Variants in LRSAM1 observed in about 807,000 individuals in gnomAD.
LRSAM1 encodes the protein E3 ubiquitin-protein ligase LRSAM1.
Under a neutral mutation model 118.1 loss-of-function variants are expected in LRSAM1, and 96 were observed. The ratio of observed to expected loss-of-function variants is 0.81; its 90% confidence interval spans 0.69 to 0.96. The LOEUF is 0.96. LRSAM1 is among the 40% of genes least tolerant of loss of function. LRSAM1 has a pLI of 0.00. For synonymous variants in LRSAM1, 322 were observed against 364.2 expected, an observed-to-expected ratio of 0.88 and a Z score of 1.32; for missense variants, 804 against 915.5, an observed-to-expected ratio of 0.88 and a Z score of 1.57.
At chr9:127,458,734 T>TACA (rs1486432660) in intron 6 of LRSAM1, among the ~76,000 whole-genome samples, 1 of 152,254 alleles carries the variant, frequency 6.6e-6, no homozygotes, top group Non-Finnish European at 1.5e-5. Context: ...GAGTGTTTCT[T>TACA]TTTAACATAT....
At position 127,465,336 on chromosome 9, in the gene LRSAM1, A is replaced by C. The variant is rs1834888064; in HGVS notation, c.529-2404A>C. ...GCCACTTGTAGCTGCTGGGCCCTTG[A>C]AATGTGGTGACTGCAACCAACCATG... On this transcript the variant is annotated intron_variant, in intron 9 of 25. Coordinates refer to ENST00000300417, the MANE Select transcript of LRSAM1 (RefSeq NM_001005373.4). This position sits in a 1 kb window ranked among gnomAD's most constrained non-coding sequence, Gnocchi z 4.1. 6.6e-6 allele frequency among the ~76,000 whole-genome samples: 1 copy of C among 152,200 alleles called. No individual in the cohort carries two copies. The highest frequency in any genetic ancestry group is 1.5e-5 in the Non-Finnish European group (1 of 68,030).
Position 127,479,103 on chromosome 9 carries a change from C to T in LRSAM1, c.780+140C>T, listed in dbSNP as rs1835437391. On this transcript the variant is annotated intron_variant, in intron 12 of 25. Transcript: ENST00000300417. ...ATGCCTTCCTCTTACACGCAGTCTG[C>T]TGCATCCTCACATGCCTCAGGTGGG... The T allele has an allele frequency of 4.1e-6, 4 of 964,090 alleles. No homozygotes were observed. The Admixed American group carries it at 6.1e-5, about 15-fold the overall frequency. 59.7% of individuals were successfully genotyped at this position (964,090 alleles called of 1,614,324 possible).
At chr9:127,457,287 C>A (rs376362600) in intron 5 of LRSAM1, 29 bp from the exon 6 acceptor site, 1 of 1,612,658 alleles carries the variant, frequency 6.2e-7, no homozygotes, top group Non-Finnish European at 8.5e-7. Context: ...CTTCCTCAGC[C>A]CAGCATGGCC....
intron 15 of LRSAM1, 143 bp downstream of exon 15, chr9:127,481,370 A>T: frequency 1.2e-6 from 1 of 803,778 alleles, no homozygotes; most frequent in Non-Finnish European, 2.0e-6. Context: ...CCCCTGCCTC[A>T]GCCTCCCGAG....
At position 127,457,169 on chromosome 9, in the gene LRSAM1, C is replaced by G. The variant is rs969428407; in HGVS notation, c.175-147C>G. ...CATTAGATTCCCCATTGGGAGAGTT[C>G]ATGATACTGACCCGCATCCCCGTGG... On this transcript the variant is annotated intron_variant, in intron 5 of 25. Coordinates refer to ENST00000300417, the MANE Select transcript of LRSAM1 (RefSeq NM_001005373.4). The G allele has an allele frequency of 2.0e-5, 16 of 799,188 alleles. No individual in the cohort carries two copies. The African/African-American group carries it at 2.5e-4, about 13-fold the overall frequency. 49.5% of individuals were successfully genotyped at this position (799,188 alleles called of 1,614,324 possible).
Position 127,503,184 on chromosome 9 carries a change from G to A in LRSAM1, c.*285G>A, listed in dbSNP as rs1403367885. 11 of 468,948 alleles carry A rather than the reference G, an allele frequency of 2.3e-5. No individual in the cohort carries two copies. The highest frequency in any genetic ancestry group is 3.4e-5 in the Admixed American group (1 of 29,242). The allele number at this position is 468,948 out of a possible 1,614,324, so 29.0% of individuals were successfully genotyped here. On this transcript the variant is annotated 3_prime_UTR_variant, in exon 26 of 26. Coordinates refer to ENST00000300417, the MANE Select transcript of LRSAM1 (RefSeq NM_001005373.4). The stretch of plus-strand genomic sequence containing the variant: ...GGAGCCAGCGTCCCAGCCTAATCAC[G>A]GATCTGCTGCCTCCCAGCTGTCTTG...
intron 23 of LRSAM1, 72 bp from the exon 24 acceptor site, chr9:127,497,181 G>A (rs1329644407): frequency 7.4e-6 from 11 of 1,493,384 alleles, no homozygotes; most frequent in Non-Finnish European, 1.0e-5. Flanking sequence ...GCCTGGGCCT[G>A]TGCCACGTGG....
At chr9:127,482,282 A>G (rs896325479) in intron 15 of LRSAM1, among the ~76,000 whole-genome samples, 1 of 151,468 alleles carries the variant, frequency 6.6e-6, no homozygotes, top group Non-Finnish European at 1.5e-5. Context: ...AGCTGGGATT[A>G]TAGGCGCATA....
chr9:127,490,006 C>T (rs1410039785), intron 19 of LRSAM1, among the ~76,000 whole-genome samples: 3 of 152,306 alleles, frequency 2.0e-5, no homozygotes, highest in South Asian at 2.1e-4. Flanking sequence ...TGACCTCGGC[C>T]CAGGAGGAGG....
At chr9:127,502,483 G>A (rs916856420) in intron 25 of LRSAM1, among the ~76,000 whole-genome samples, 17 of 152,024 alleles carry the variant, frequency 1.1e-4, no homozygotes, top group African/African-American at 1.9e-4. Flanking sequence ...TCAGGAGTTC[G>A]AGACTAGCCT....
chr9:127,490,697 G>A (rs1386393269), intron 19 of LRSAM1, among the ~76,000 whole-genome samples: 1 of 152,204 alleles, frequency 6.6e-6, no homozygotes, highest in African/African-American at 2.4e-5. Context: ...GAGAATTGAT[G>A]AAATATGATA....
At chr9:127,459,561 CT>C (rs1834658077) in intron 7 of LRSAM1, among the ~76,000 whole-genome samples, 1 of 150,218 alleles carries the variant, frequency 6.7e-6, no homozygotes, top group Non-Finnish European at 1.5e-5. Flanking sequence ...TGGTGTAGGA[CT>C]TTTTGTATGT....
intron 11 of LRSAM1, 68 bp from the exon 12 acceptor site, chr9:127,478,866 C>T (rs1473948447): frequency 1.2e-5 from 18 of 1,546,502 alleles, no homozygotes; most frequent in African/African-American, 2.7e-5. Context: ...CCGGGGGTTC[C>T]TGGTGCCCAT....
intron 20 of LRSAM1, 149 bp from the exon 21 acceptor site, chr9:127,492,653 G>A (rs1237502542): frequency 5.5e-6 from 4 of 720,794 alleles, no homozygotes; most frequent in Non-Finnish European, 4.9e-6. Context: ...GGGGCAGAAG[G>A]GCCTCTTAGC....
chr9:127,458,436 A>G (rs1834611279), intron 6 of LRSAM1, among the ~76,000 whole-genome samples: 1 of 151,768 alleles, frequency 6.6e-6, no homozygotes, highest in Admixed American at 6.6e-5. Context: ...AAACACCAGC[A>G]GAGCATGTTG....
At chr9:127,481,523 C>T (rs1418299747) in intron 15 of LRSAM1, among the ~76,000 whole-genome samples, 4 of 152,086 alleles carry the variant, frequency 2.6e-5, no homozygotes, top group African/African-American at 4.8e-5. Flanking sequence ...ACTGGGATTG[C>T]AGGCGTGAGC....
At chr9:127,494,310 A>T (rs754527551) in intron 21 of LRSAM1, among the ~76,000 whole-genome samples, 5 of 152,078 alleles carry the variant, frequency 3.3e-5, no homozygotes, top group African/African-American at 7.2e-5. Context: ...TGTTGATCCC[A>T]CTCCCCATGT....
intron 11 of LRSAM1, 85 bp from the exon 12 acceptor site, chr9:127,478,849 A>G: frequency 7.3e-7 from 1 of 1,378,554 alleles, no homozygotes; most frequent in Middle Eastern, 1.9e-4. Context: ...GTATAACATC[A>G]GGCCACCCGG....
At chr9:127,452,492 T>C (rs1834360653) in intron 2 of LRSAM1, among the ~76,000 whole-genome samples, 2 of 152,188 alleles carry the variant, frequency 1.3e-5, no homozygotes, top group African/African-American at 4.8e-5. Context: ...GTATGTCTTC[T>C]TCAACTGCAT....
Sources: allele counts gnomAD v4.1 joint callset (sites outside exome capture counted in the v4.1 genomes callset), GRCh38; gene constraint gnomAD v4.1.1; non-coding constraint Gnocchi (gnomAD v3.1); transcripts MANE v1.5; gene names NCBI Gene and HGNC (gene_info 2026-07-23, HGNC 2026-07-21).